MFAP3: variants seen among roughly 807,000 people sequenced by gnomAD.
MFAP3 encodes the protein microfibril associated protein 3.
Under a neutral mutation model 20.5 loss-of-function variants are expected in MFAP3, and 8 were observed. That is an observed-to-expected ratio of 0.39 (90% CI 0.23 to 0.70). The LOEUF (loss-of-function observed/expected upper bound fraction) is 0.70. Ranked by LOEUF, MFAP3 falls within the 30% of genes least tolerant of loss-of-function variation. The probability of loss-of-function intolerance (pLI) is 0.44; values close to 1 mark genes in which losing one functional copy is unlikely to be tolerated. For synonymous variants in MFAP3, 140 were observed against 154.0 expected (o/e 0.91, Z 0.67); for missense variants, 398 against 444.6 (o/e 0.90, Z 0.94).
At chr5:154,048,529 G>C (rs1031253365) in intron 1 of MFAP3, among the ~76,000 whole-genome samples, 1 of 151,868 alleles carries the variant, frequency 6.6e-6, no homozygotes, top group African/African-American at 2.4e-5. Flanking sequence ...TAATTATCTT[G>C]GTGCTTTATA....
intron 2 of MFAP3, 39 bp from the exon 3 acceptor site, chr5:154,052,881 T>G (rs1164491776): frequency 6.6e-7 from 1 of 1,504,002 alleles, no homozygotes; most frequent in South Asian, 1.2e-5. Context: ...TAGTAATCTT[T>G]TTGCTATAAT....
chr5:154,044,294 A>G (rs992809857), intron 1 of MFAP3, among the ~76,000 whole-genome samples: 1 of 152,240 alleles, frequency 6.6e-6, no homozygotes, highest in African/African-American at 2.4e-5. Context: ...AAGCTGACTT[A>G]GCAAAAAGGA....
intron 2 of MFAP3, chr5:154,051,702 GA>G: frequency 6.6e-6 from 1 of 152,152 alleles, no homozygotes; most frequent in Non-Finnish European, 1.5e-5. Flanking sequence ...TTGTATTAGT[GA>G]AGTGATGGCT....
At chr5:154,039,403 CA>C (rs1272250055) in intron 1 of MFAP3, 1 of 152,110 alleles carries the variant, frequency 6.6e-6, no homozygotes, top group Non-Finnish European at 1.5e-5. Context: ...GCATTCCAGG[CA>C]GAGAGAATAG....
chr5:154,050,754 T>G (rs1773171988), intron 2 of MFAP3, among the ~76,000 whole-genome samples: 2 of 152,014 alleles, frequency 1.3e-5, no homozygotes, highest in African/African-American at 4.8e-5. Context: ...TTTATTTAAT[T>G]TTCCTATTCA....
At position 154,053,667 on chromosome 5, in the gene MFAP3, CTAACTG is replaced by C; in HGVS notation, c.1049_1054del (p.Cys350_Asn351del). On this transcript the variant is annotated inframe_deletion, in exon 3 of 3. Coordinates refer to ENST00000522782, the MANE Select transcript of MFAP3 (RefSeq NM_005927.5). The stretch of plus-strand genomic sequence containing the variant: ...CCTGATGATATAGGATCTGCAGAAT[CTAACTG>C]TAACTACAAAGATGGGGCATATGAA... 1 of 1,613,684 alleles carries C rather than the reference CTAACTG, an allele frequency of 6.2e-7. No individual in the cohort carries two copies. The highest frequency in any genetic ancestry group is 8.5e-7 in the Non-Finnish European group (1 of 1,179,734).
At chr5:154,043,243 A>G (rs1772998788) in intron 1 of MFAP3, among the ~76,000 whole-genome samples, 1 of 152,174 alleles carries the variant, frequency 6.6e-6, no homozygotes, top group Non-Finnish European at 1.5e-5. Flanking sequence ...ATTTTTATTT[A>G]TTAATGCTGA....
chr5:154,042,239 T>C (rs572515543), intron 1 of MFAP3, among the ~76,000 whole-genome samples: 3 of 152,356 alleles, frequency 2.0e-5, no homozygotes, highest in African/African-American at 7.2e-5. Flanking sequence ...ATCATAAATC[T>C]AAGCCTGTTT....
At chr5:154,043,217 T>A (rs1772998050) in intron 1 of MFAP3, among the ~76,000 whole-genome samples, 1 of 152,210 alleles carries the variant, frequency 6.6e-6, no homozygotes, top group South Asian at 2.1e-4. Context: ...ACTTGAGTCT[T>A]ACACTTATCT....
chr5:154,049,849 T>C lies in MFAP3; in HGVS notation c.127T>C (p.Ser43Pro). ...AGCAAATCGTAGTTCTTACAATGCA[T>C]CCTTTCCCTCAAGCTTTGAACTCTC... ...LEANRSSYNASFPSSFELSAS... is the reference protein window; with the variant it reads ...LEANRSSYNAPFPSSFELSAS... The change falls in exon 2 of 3, where the codon TCC (serine) becomes CCC (proline). Residue 43 changes from serine to proline, a missense_variant. Ser to Pro is a moderately conservative substitution (Grantham distance 74). Coordinates refer to ENST00000522782, the MANE Select transcript of MFAP3 (RefSeq NM_005927.5). The C allele has an allele frequency of 6.2e-7, 1 of 1,613,626 alleles. No individual in the cohort carries two copies. Among genetic ancestry groups the C allele is most frequent in the African/African-American group, 1.3e-5 (1 of 74,910 alleles).
Position 154,053,811 on chromosome 5 carries a change from G to C in MFAP3, c.*98G>C, listed in dbSNP as rs1356494302. On this transcript the variant is annotated 3_prime_UTR_variant, in exon 3 of 3. Coordinates refer to ENST00000522782, the MANE Select transcript of MFAP3 (RefSeq NM_005927.5). ...TAACATTTTTGCCAAAAGATGACTG[G>C]GGTTTTCCGTTTGTTAATATTAAGC... The C allele has an allele frequency of 1.7e-6, 2 of 1,146,694 alleles. No homozygotes were observed. The highest frequency in any genetic ancestry group is 2.3e-5 in the Admixed American group (1 of 42,968). The allele number at this position is 1,146,694 out of a possible 1,614,324, so 71.0% of individuals were successfully genotyped here.
chr5:154,041,422 G>A lies in MFAP3; in HGVS notation c.-167+2411G>A, dbSNP rs575131286. ...TGATAATGATAATCAGCCTCTAGGT[G>A]AGGAAACTAAAACCACTGGAGCACA... On this transcript the variant is annotated intron_variant, in intron 1 of 2. Transcript: ENST00000522782. Among the ~76,000 whole-genome samples, 33 of 152,364 alleles carry A rather than the reference G, an allele frequency of 2.2e-4. No homozygotes were observed. In the South Asian group the frequency reaches 6.8e-3, roughly 32 times the overall value.
In MFAP3 at chr5:154,049,859, C is replaced by T. The variant is rs553972755; in HGVS notation, c.137C>T (p.Ser46Leu). 6.2e-7 allele frequency: 1 copy of T among 1,613,736 alleles called. No individual in the cohort carries two copies. Among genetic ancestry groups the T allele is most frequent in the South Asian group, 1.1e-5 (1 of 91,076 alleles). Residue 46 changes from serine to leucine, a missense_variant, in exon 2 of 3, where the codon TCA (serine) becomes TTA (leucine). By Grantham distance (145) the Ser-to-Leu change is moderately radical (BLOSUM62 -2). Coordinates refer to ENST00000522782, the MANE Select transcript of MFAP3 (RefSeq NM_005927.5). ...NRSSYNASFPSSFELSASSHS... is the reference protein window; with the variant it reads ...NRSSYNASFPLSFELSASSHS... ...AGTTCTTACAATGCATCCTTTCCCT[C>T]AAGCTTTGAACTCTCAGCAAGTTCC...
Position 154,053,558 on chromosome 5 carries a change from A to G in MFAP3, c.934A>G (p.Ile312Val). The change falls in exon 3 of 3, where the codon ATA (isoleucine) becomes GTA (valine). Residue 312 changes from isoleucine to valine, a missense_variant. By Grantham distance (29) the Ile-to-Val change is conservative. Transcript: ENST00000522782. ...CTCTCTGAATGAACAAGGCCAGGAA[A>G]TAGCAGTTCAGGTTTCTGTCCACCT... ...DGSLNEQGQE[I>V]AVQVSVHLQS... 6.2e-7 allele frequency: 1 copy of G among 1,613,966 alleles called. No individual in the cohort carries two copies. Among genetic ancestry groups the G allele is most frequent in the Non-Finnish European group, 8.5e-7 (1 of 1,179,960 alleles).
intron 1 of MFAP3, among the ~76,000 whole-genome samples, chr5:154,043,548 TCA>T (rs145579460): frequency 5.4e-5 from 8 of 149,210 alleles, no homozygotes; most frequent in African/African-American, 7.4e-5. Context: ...CGAAACTCCG[TCA>T]CACACACACA....
intron 1 of MFAP3, among the ~76,000 whole-genome samples, chr5:154,047,659 A>C (rs1773098541): frequency 6.6e-6 from 1 of 152,234 alleles, no homozygotes; most frequent in Non-Finnish European, 1.5e-5. Context: ...ACTGATGTAG[A>C]GTTTCCTTTT....
intron 1 of MFAP3, among the ~76,000 whole-genome samples, chr5:154,046,512 G>A (rs1204965498): frequency 3.3e-5 from 5 of 152,164 alleles, no homozygotes; most frequent in African/African-American, 7.2e-5. Flanking sequence ...ATATACCAGC[G>A]CCAGATGAGT....
At chr5:154,050,060 G>A (rs777576977) in intron 2 of MFAP3, 43 bp downstream of exon 2, 3 of 1,533,140 alleles carry the variant, frequency 2.0e-6, no homozygotes, top group African/African-American at 1.4e-5. Context: ...CTCATTTCCT[G>A]TTCTGTCTTC....
intron 1 of MFAP3, among the ~76,000 whole-genome samples, chr5:154,044,446 G>A (rs1423392671): frequency 6.6e-6 from 1 of 152,140 alleles, no homozygotes; most frequent in African/African-American, 2.4e-5. Flanking sequence ...CCTGTTACCT[G>A]CAAATGGGTT....
Sources: gnomAD v4.1 joint callset for allele counts (sites outside exome capture counted in the v4.1 genomes callset) on GRCh38, gnomAD v4.1.1 for gene constraint, MANE v1.5 for transcripts, NCBI Gene and HGNC (gene_info 2026-07-23, HGNC 2026-07-21) for gene names.